CACYBP: variants seen among roughly 807,000 people sequenced by gnomAD.
CACYBP encodes the protein calcyclin binding protein.
CACYBP carries 11 observed loss-of-function variants against 29.6 expected under a neutral mutation model. That is an observed-to-expected ratio of 0.37 (90% CI 0.23 to 0.61). The LOEUF (loss-of-function observed/expected upper bound fraction) is 0.61, where lower values mean the gene tolerates loss of function less well. Among genes scored for constraint, CACYBP ranks in the 20% least tolerant of loss-of-function variants. The probability of loss-of-function intolerance (pLI) is 0.65; values close to 1 mark genes in which losing one functional copy is unlikely to be tolerated. For missense variants in CACYBP, 163 were observed against 260.7 expected (o/e 0.63, Z 2.58); for synonymous variants, 73 against 88.3 (o/e 0.83, Z 0.97).
chr1:175,009,603 G>A (rs1054690188), intron 5 of CACYBP, among the ~76,000 whole-genome samples: 4 of 138,126 alleles, frequency 2.9e-5, no homozygotes, highest in Admixed American at 8.0e-5. Context: ...ACCGAGATGC[G>A]CCACTGCACT....
intron 1 of CACYBP, among the ~76,000 whole-genome samples, chr1:175,003,180 G>A (rs1412142810): frequency 6.6e-6 from 1 of 151,122 alleles, no homozygotes; most frequent in Non-Finnish European, 1.5e-5. Flanking sequence ...GTGCAATGGC[G>A]CGATCTCGGG....
intron 2 of CACYBP, 141 bp downstream of exon 2, chr1:175,004,974 AC>A: frequency 1.4e-6 from 1 of 704,172 alleles, no homozygotes; most frequent in Non-Finnish European, 2.6e-6. Context: ...ATTTAATAAA[AC>A]TTTTTTAAGA....
chr1:175,000,254 C>G, intron 1 of CACYBP, 59 bp downstream of exon 1: 6 of 1,556,286 alleles, frequency 3.9e-6, no homozygotes, highest in Non-Finnish European at 5.2e-6. Flanking sequence ...GCGCCAGCCT[C>G]CCGCCCTACC....
At chr1:175,001,259 G>C (rs1294338574) in intron 1 of CACYBP, among the ~76,000 whole-genome samples, 1 of 152,162 alleles carries the variant, frequency 6.6e-6, no homozygotes, top group African/African-American at 2.4e-5. Flanking sequence ...CTTGAAAGTA[G>C]AGATCGTTCT....
At position 175,000,141 on chromosome 1, in the gene CACYBP, G is replaced by T. The variant is rs111585397; in HGVS notation, c.-40G>T. ...CGCGGGGTTTCCTGTTCCTCCTTCT[G>T]CGCGGCTGCAGCTCGGGACTTCGGC... On this transcript the variant is annotated 5_prime_UTR_variant, in exon 1 of 6. Transcript: ENST00000367679. The T allele has an allele frequency of 2.9e-3, 4,586 of 1,594,942 alleles. 105 individuals are homozygous for T. In the African/African-American group the frequency reaches 0.054, roughly 19 times the overall value.
intron 4 of CACYBP, among the ~76,000 whole-genome samples, chr1:175,007,604 C>CT (rs1672649834): frequency 6.6e-6 from 1 of 152,156 alleles, no homozygotes; most frequent in South Asian, 2.1e-4. Flanking sequence ...TGTTTGTGAC[C>CT]TTTGGCAGCT....
At chr1:175,000,330 C>T in intron 1 of CACYBP, 135 bp downstream of exon 1, 4 of 1,463,362 alleles carry the variant, frequency 2.7e-6, no homozygotes, top group Middle Eastern at 3.6e-4. Context: ...CGCCGCCTTC[C>T]CGGGGGACAC....
chr1:175,010,760 C>T lies in CACYBP; in HGVS notation c.*681C>T, dbSNP rs186260586. ...TAAAGCAAAAAATAATTTGAAAGCC[C>T]GTCTATTCCTATGCTCAATAAAGTT... On this transcript the variant is annotated 3_prime_UTR_variant, in exon 6 of 6. Coordinates refer to ENST00000367679, the MANE Select transcript of CACYBP (RefSeq NM_014412.3). 2.6e-5 allele frequency: 4 copies of T among 152,214 alleles called. No individual in the cohort carries two copies. Among genetic ancestry groups the T allele is most frequent in the Admixed American group, 6.5e-5 (1 of 15,302 alleles). The allele number at this position is 152,214 out of a possible 1,614,324, so 9.4% of individuals were successfully genotyped here.
Position 175,000,082 on chromosome 1 carries a change from CGGGTA to C in CACYBP, c.-96_-92del. The C allele has an allele frequency of 6.7e-7, 1 of 1,486,616 alleles. No individual in the cohort carries two copies. The highest frequency in any genetic ancestry group is 2.5e-5 in the East Asian group (1 of 40,508). 92.1% of individuals were successfully genotyped at this position (1,486,616 alleles called of 1,614,324 possible). ...GCAGGCTGCAGCGCCGCGACTCGTG[CGGGTA>C]GGCGTCTGCGCTCGGTTTGAGGGCT... On this transcript the variant is annotated 5_prime_UTR_variant, in exon 1 of 6. Transcript: ENST00000367679.
chr1:175,008,466 C>T, intron 4 of CACYBP, 143 bp from the exon 5 acceptor site: 1 of 517,864 alleles, frequency 1.9e-6, no homozygotes, highest in South Asian at 3.3e-5. Flanking sequence ...AGATTTTGGC[C>T]TATTCATACA....
At chr1:175,001,310 TTTTTG>T (rs956442179) in intron 1 of CACYBP, among the ~76,000 whole-genome samples, 1 of 152,190 alleles carries the variant, frequency 6.6e-6, no homozygotes, top group African/African-American at 2.4e-5. Context: ...GGGCACTTGA[TTTTTG>T]TTTTGTTTGA....
At position 175,003,637 on chromosome 1, in the gene CACYBP, T is replaced by C. The variant is rs548212807; in HGVS notation, c.16-977T>C. 7.2e-5 allele frequency among the ~76,000 whole-genome samples: 11 copies of C among 152,386 alleles called. No homozygotes were observed. The South Asian group carries it at 8.3e-4, about 11-fold the overall frequency. On this transcript the variant is annotated intron_variant, in intron 1 of 5. Coordinates refer to ENST00000367679, the MANE Select transcript of CACYBP (RefSeq NM_014412.3). ...ACTTTTTTAAATTGAGCTTTTGATA[T>C]CAAGCTGTGACACAAGATTTTTTTG...
rs902877528 is a variant in CACYBP, at chr1:175,011,048, G to A, written c.*969G>A. ...CAGCCCAGGAGTTTAAGGCTGCAGTGAGCTATGATGATGCCACTGTACTGC... is the reference window on the plus strand; with the variant it reads ...CAGCCCAGGAGTTTAAGGCTGCAGTAAGCTATGATGATGCCACTGTACTGC... On this transcript the variant is annotated 3_prime_UTR_variant, in exon 6 of 6. Coordinates refer to ENST00000367679, the MANE Select transcript of CACYBP (RefSeq NM_014412.3). 2.0e-5 allele frequency: 3 copies of A among 148,050 alleles called. No individual in the cohort carries two copies. Among genetic ancestry groups the A allele is most frequent in the Non-Finnish European group, 3.0e-5 (2 of 67,508 alleles). The allele number at this position is 148,050 out of a possible 1,614,324, so 9.2% of individuals were successfully genotyped here.
Position 175,008,599 on chromosome 1 carries a change from T to C in CACYBP, c.433-10T>C. The C allele has an allele frequency of 2.3e-6, 3 of 1,331,600 alleles. No individual in the cohort carries two copies. The highest frequency in any genetic ancestry group is 3.2e-6 in the Non-Finnish European group (3 of 927,600). 82.5% of individuals were successfully genotyped at this position (1,331,600 alleles called of 1,614,324 possible). ...TCTAAGCTGTATTTGTTTTCCTGCT[T>C]TTCTTCCAGGTCAAGACTGATACAG... On this transcript the variant is annotated splice_polypyrimidine_tract_variant and intron_variant, in intron 4 of 5. Coordinates refer to ENST00000367679, the MANE Select transcript of CACYBP (RefSeq NM_014412.3).
chr1:175,001,806 A>G lies in CACYBP; in HGVS notation c.15+1611A>G, dbSNP rs570065089. Among the ~76,000 whole-genome samples the G allele has an allele frequency of 1.2e-3, 190 of 152,244 alleles. 1 individual carries two copies. Among genetic ancestry groups the G allele is most frequent in the African/African-American group, 4.3e-3 (180 of 41,536 alleles). On this transcript the variant is annotated intron_variant, in intron 1 of 5. Coordinates refer to ENST00000367679, the MANE Select transcript of CACYBP (RefSeq NM_014412.3). ...GCCCAGGCTGGAGTGCAATGGCGCA[A>G]TCTCGGCTCACTGCAATCTCCGTCT...
At chr1:175,008,873 G>C in intron 5 of CACYBP, 167 bp downstream of exon 5, 1 of 584,304 alleles carries the variant, frequency 1.7e-6, no homozygotes, top group Non-Finnish European at 3.1e-6. Context: ...TTAAGGGTTG[G>C]CTCTTTAGTG....
rs1672427472 is a variant in CACYBP at position 175,000,087 on chromosome 1, A to G, written c.-94A>G. Reference sequence around the variant, plus strand: ...CTGCAGCGCCGCGACTCGTGCGGGTAGGCGTCTGCGCTCGGTTTGAGGGCT... The same window carrying G: ...CTGCAGCGCCGCGACTCGTGCGGGTGGGCGTCTGCGCTCGGTTTGAGGGCT... On this transcript the variant is annotated 5_prime_UTR_variant, in exon 1 of 6. Coordinates refer to ENST00000367679, the MANE Select transcript of CACYBP (RefSeq NM_014412.3). The G allele has an allele frequency of 1.7e-5, 26 of 1,497,050 alleles. No homozygotes were observed. The South Asian group carries it at 2.9e-4, about 17-fold the overall frequency. The allele number at this position is 1,497,050 out of a possible 1,614,324, so 92.7% of individuals were successfully genotyped here. A position where few individuals can be genotyped will look rare whatever the true frequency, so the allele number is the denominator to read the frequency against.
chr1:174,999,643 A>C (rs1409324657), upstream of CACYBP: 1 of 226,662 alleles, frequency 4.4e-6, no homozygotes, highest in Non-Finnish European at 8.8e-6. Flanking sequence ...GAGCGGACGA[A>C]AGCAGGTGAC....
rs1178245157 is a variant in CACYBP, at chr1:175,010,871, A to G, written c.*792A>G. On this transcript the variant is annotated 3_prime_UTR_variant, in exon 6 of 6. Coordinates refer to ENST00000367679, the MANE Select transcript of CACYBP (RefSeq NM_014412.3). Reference sequence around the variant, plus strand: ...CAGGCTTTTAGTAGGAATTACTCCTATTCCCCCTGAAGTCAGGACCAGTGC... The same window carrying G: ...CAGGCTTTTAGTAGGAATTACTCCTGTTCCCCCTGAAGTCAGGACCAGTGC... 3 of 152,184 alleles carry G rather than the reference A, an allele frequency of 2.0e-5. No homozygotes were observed. Among genetic ancestry groups the G allele is most frequent in the African/African-American group, 7.2e-5 (3 of 41,424 alleles). 9.4% of individuals were successfully genotyped at this position (152,184 alleles called of 1,614,324 possible). A position where few individuals can be genotyped will look rare whatever the true frequency, so the allele number is the denominator to read the frequency against.
Sources: gnomAD v4.1 joint callset for allele counts (sites outside exome capture counted in the v4.1 genomes callset) on GRCh38, gnomAD v4.1.1 for gene constraint, MANE v1.5 for transcripts, NCBI Gene and HGNC (gene_info 2026-07-23, HGNC 2026-07-21) for gene names.